The following ZYG11A variants were observed in gnomAD, a reference collection of about 807,000 sequenced individuals.
ZYG11A encodes the protein protein zyg-11 homolog A.
In ZYG11A, 62 loss-of-function variants were observed where a neutral mutation model predicts 77.2. The observed-to-expected ratio is 0.80, with a 90% CI of 0.65 to 0.99. The LOEUF is 0.99. Ranked by LOEUF, ZYG11A falls within the 50% of genes least tolerant of loss-of-function variation. The pLI is 0.00. For missense variants in ZYG11A, 828 were observed against 896.8 expected (o/e 0.92, Z 0.98); for synonymous variants, 315 against 324.6 (o/e 0.97, Z 0.32).
intron 10 of ZYG11A, among the ~76,000 whole-genome samples, chr1:52,880,107 G>T (rs1172804826): frequency 1.4e-5 from 2 of 140,692 alleles, no homozygotes; most frequent in African/African-American, 2.7e-5. Context: ...AGAATGTGAG[G>T]ATTTACAAGA....
At position 52,869,912 on chromosome 1, in the gene ZYG11A, A is replaced by AC. The variant is rs756560001; in HGVS notation, c.1542+2143dup. ...GGGCGGCTGGCCGGGCAGGGGGCTG[A>AC]CCCCCCCCACACCTCCCTCCCAGAC... is the stretch of plus-strand genomic sequence containing the variant. On this transcript the variant is annotated intron_variant, in intron 8 of 13. Transcript: ENST00000371528. Among the ~76,000 whole-genome samples the AC allele has an allele frequency of 5.7e-3, 636 of 111,146 alleles. 5 individuals carry two copies. Among genetic ancestry groups the AC allele is most frequent in the South Asian group, 0.012 (41 of 3,334 alleles). 72.9% of individuals were successfully genotyped at this position (111,146 alleles called of 152,430 possible). A position where few individuals can be genotyped will look rare whatever the true frequency, so the allele number is the denominator to read the frequency against.
intron 1 of ZYG11A, among the ~76,000 whole-genome samples, chr1:52,844,675 C>T (rs1645528349): frequency 6.6e-6 from 1 of 151,762 alleles, no homozygotes; most frequent in Admixed American, 6.6e-5. Context: ...TAAATTTGTT[C>T]CTGTTCTTGA....
At position 52,842,917 on chromosome 1, in the gene ZYG11A, C is replaced by T; in HGVS notation, c.34C>T (p.Arg12Trp). 6.5e-7 allele frequency: 1 copy of T among 1,529,716 alleles called. No homozygotes were observed. The highest frequency in any genetic ancestry group is 1.2e-5 in the South Asian group (1 of 81,518). 94.8% of individuals were successfully genotyped at this position (1,529,716 alleles called of 1,614,324 possible). A position where few individuals can be genotyped will look rare whatever the true frequency, so the allele number is the denominator to read the frequency against. Residue 12 changes from arginine (R) to tryptophan (W), a missense_variant, in exon 1 of 14, where the codon CGG (arginine) becomes TGG (tryptophan). Arg to Trp is a moderately radical substitution (Grantham distance 101). Transcript: ENST00000371528. ...TTTCTTGCACCCGGGCCACACGCCCCGGAACATCGTCCCTCCTGACGCTCA... is the reference window on the plus strand; with the variant it reads ...TTTCTTGCACCCGGGCCACACGCCCTGGAACATCGTCCCTCCTGACGCTCA... ...VHFLHPGHTP[R>W]NIVPPDAQKD...
At chr1:52,873,616 A>G (rs1407999212) in intron 8 of ZYG11A, among the ~76,000 whole-genome samples, 1 of 152,242 alleles carries the variant, frequency 6.6e-6, no homozygotes, top group Non-Finnish European at 1.5e-5. Flanking sequence ...GAATGACAAC[A>G]AAGGACTTTG....
rs930731037 is a variant in ZYG11A at position 52,881,426 on chromosome 1, C to T, written c.1750-45C>T. 5.8e-6 allele frequency: 8 copies of T among 1,385,920 alleles called. No individual in the cohort carries two copies. The African/African-American group carries it at 1.0e-4, about 18-fold the overall frequency. 85.9% of individuals were successfully genotyped at this position (1,385,920 alleles called of 1,614,324 possible). A position where few individuals can be genotyped will look rare whatever the true frequency, so the allele number is the denominator to read the frequency against. On this transcript the variant is annotated intron_variant, in intron 10 of 13. Coordinates refer to ENST00000371528, the MANE Select transcript of ZYG11A (RefSeq NM_001004339.3). The stretch of plus-strand genomic sequence containing the variant: ...GAAAAAAGCCAATTCCTGATTCTCC[C>T]CTCCCTTCTTGTCTCTGGGGTTCTC...
chr1:52,891,154 C>A (rs1646536619), intron 13 of ZYG11A, among the ~76,000 whole-genome samples: 2 of 151,940 alleles, frequency 1.3e-5, no homozygotes, highest in Non-Finnish European at 2.9e-5. Flanking sequence ...CCCACCTCAG[C>A]CTTCCAAAGT....
chr1:52,872,073 A>G (rs1417302899), intron 8 of ZYG11A, among the ~76,000 whole-genome samples: 1 of 150,628 alleles, frequency 6.6e-6, no homozygotes, highest in Non-Finnish European at 1.5e-5. Context: ...AATAAAAATC[A>G]AGAGTGATTT....
chr1:52,882,457 C>T lies in ZYG11A; in HGVS notation c.1944+792C>T, dbSNP rs148253892. On this transcript the variant is annotated intron_variant, in intron 11 of 13. Coordinates refer to ENST00000371528, the MANE Select transcript of ZYG11A (RefSeq NM_001004339.3). ...GTATATGGTGGACTGCTGTCATCCT[C>T]GGACTCCCTTTGCCTCTCTTGTGTT... Among the ~76,000 whole-genome samples the T allele has an allele frequency of 2.5e-3, 386 of 152,270 alleles. 2 individuals are homozygous for T. Among genetic ancestry groups the T allele is most frequent in the African/African-American group, 8.4e-3 (347 of 41,554 alleles).
chr1:52,867,852 A>T, intron 8 of ZYG11A, 75 bp downstream of exon 8: 1 of 1,299,604 alleles, frequency 7.7e-7, no homozygotes, highest in Non-Finnish European at 1.1e-6. Context: ...AAAAAAAATC[A>T]AATCATTCCA....
chr1:52,867,668 A>C (rs1050291499), intron 7 of ZYG11A, 30 bp downstream of exon 7: 5 of 1,549,754 alleles, frequency 3.2e-6, no homozygotes, highest in African/African-American at 1.4e-5. Flanking sequence ...CAAGATGTCT[A>C]TCTCTCTAGT....
At position 52,885,839 on chromosome 1, in the gene ZYG11A, A is replaced by G; in HGVS notation, c.1951A>G (p.Thr651Ala). Residue 651 changes from threonine (T) to alanine (A), a missense_variant, in exon 12 of 14, where the codon ACC (threonine) becomes GCC (alanine). By Grantham distance (58) the Thr-to-Ala change is moderately conservative. Transcript: ENST00000371528. ...RRTLLQDLHA[T>A]IQNWPSSSCK... ...TCTCTTGTTTTTGGAGTAGCATGCA[A>G]CCATACAGAATTGGCCAAGTTCAAG... The G allele has an allele frequency of 1.9e-6, 3 of 1,546,738 alleles. No individual in the cohort carries two copies. The South Asian group carries it at 3.6e-5, about 19-fold the overall frequency.
Position 52,857,497 on chromosome 1 carries a change from T to C in ZYG11A, c.756T>C (p.Ile252=). ...CCAAATCACAAATTCTTGCAGTCAT[T>C]AGAGAACTTAAATGTCTGCTTCACC... is the stretch of plus-strand genomic sequence containing the variant. ...AMTKSQILAV[I]RELKCLLHLD... Residue 252 remains isoleucine, a synonymous_variant, in exon 3 of 14, where the codon ATT becomes ATC. Coordinates refer to ENST00000371528, the MANE Select transcript of ZYG11A (RefSeq NM_001004339.3). 1 of 1,552,208 alleles carries C rather than the reference T, an allele frequency of 6.4e-7. No individual in the cohort carries two copies. The highest frequency in any genetic ancestry group is 8.7e-7 in the Non-Finnish European group (1 of 1,147,124).
intron 8 of ZYG11A, among the ~76,000 whole-genome samples, chr1:52,872,446 C>A (rs1646184263): frequency 6.6e-6 from 1 of 152,054 alleles, no homozygotes; most frequent in African/African-American, 2.4e-5. Flanking sequence ...AATACACCAG[C>A]CACCCAAGAG....
chr1:52,858,915 C>T (rs1645869667), intron 3 of ZYG11A, among the ~76,000 whole-genome samples: 1 of 152,066 alleles, frequency 6.6e-6, no homozygotes, highest in Non-Finnish European at 1.5e-5. Flanking sequence ...ATGCTTGGCC[C>T]AGAGCTGTTG....
At chr1:52,844,371 A>AT (rs796793249) in intron 1 of ZYG11A, among the ~76,000 whole-genome samples, 4 of 152,208 alleles carry the variant, frequency 2.6e-5, no homozygotes, top group African/African-American at 9.6e-5. Flanking sequence ...GAAAACTTGG[A>AT]TTTTTTACGT....
At chr1:52,865,574 AAC>A (rs1333885294) in intron 5 of ZYG11A, among the ~76,000 whole-genome samples, 1 of 152,232 alleles carries the variant, frequency 6.6e-6, no homozygotes, top group Admixed American at 6.5e-5. Context: ...CCAAATGTCC[AAC>A]AACAGGCGAA....
At chr1:52,880,148 C>G (rs191035774) in intron 10 of ZYG11A, among the ~76,000 whole-genome samples, 1 of 147,954 alleles carries the variant, frequency 6.8e-6, no homozygotes, top group Admixed American at 6.8e-5. Flanking sequence ...TGGTGCCCCT[C>G]TCAGTTGTGC....
At chr1:52,889,480 G>C (rs190514624) in intron 13 of ZYG11A, among the ~76,000 whole-genome samples, 1 of 151,058 alleles carries the variant, frequency 6.6e-6, no homozygotes, top group East Asian at 1.9e-4. Flanking sequence ...ACAGGGTCTT[G>C]CTATGTTGCC....
chr1:52,881,900 G>A (rs1571877171), intron 11 of ZYG11A, among the ~76,000 whole-genome samples: 2 of 121,260 alleles, frequency 1.6e-5, no homozygotes, highest in South Asian at 5.6e-4. Context: ...CTTTATTGAT[G>A]TTTCTTTTTT....
Sources: gnomAD v4.1 joint callset for allele counts (sites outside exome capture counted in the v4.1 genomes callset) on GRCh38, gnomAD v4.1.1 for gene constraint, MANE v1.5 for transcripts, NCBI Gene and HGNC (gene_info 2026-07-23, HGNC 2026-07-21) for gene names.